COXFA4: variants seen among roughly 807,000 people sequenced by gnomAD.
COXFA4 encodes the protein cytochrome c oxidase associated subunit FA4.
chr7:10,939,693 G>A, the COXFA4 span: 18 of 419,706 alleles, frequency 4.3e-5, no homozygotes, highest in South Asian at 3.9e-4. Context: ...CCCACACAGC[G>A]CACATCTATC....
At chr7:10,939,031 A>G in the COXFA4 span, 6 of 673,380 alleles carry the variant, frequency 8.9e-6, no homozygotes, top group Middle Eastern at 2.5e-4. Context: ...AAATTTAAAT[A>G]AAGTAGATCT....
chr7:10,934,354 A>G, the COXFA4 span, among the ~76,000 whole-genome samples: 1 of 150,604 alleles, frequency 6.6e-6, no homozygotes, highest in East Asian at 1.9e-4. Flanking sequence ...ATTTTTAGAA[A>G]TAAATCTTAC....
the COXFA4 span, chr7:10,938,739 C>G: frequency 9.1e-7 from 1 of 1,094,934 alleles, no homozygotes; most frequent in Non-Finnish European, 1.4e-6. Context: ...TGTTATCGCC[C>G]TACAGAGACT....
chr7:10,933,633 C>A, the COXFA4 span: 1 of 1,607,738 alleles, frequency 6.2e-7, no homozygotes, highest in South Asian at 1.1e-5. Flanking sequence ...TGAAACATTT[C>A]ATTTAGAAAT....
At chr7:10,932,539 A>G in the COXFA4 span, 1 of 152,258 alleles carries the variant, frequency 6.6e-6, no homozygotes, top group African/African-American at 2.4e-5. Flanking sequence ...ATTTAATTGT[A>G]TACTTACGTA....
At chr7:10,940,011 C>T in the COXFA4 span, 1 of 1,613,884 alleles carries the variant, frequency 6.2e-7, no homozygotes, top group Non-Finnish European at 8.5e-7. Context: ...CGGTCACGAA[C>T]TTACGCTCGG....
the COXFA4 span, chr7:10,938,952 C>T: frequency 3.1e-6 from 4 of 1,299,164 alleles, no homozygotes; most frequent in South Asian, 1.2e-5. Flanking sequence ...CACTGGCCAA[C>T]GAGAGATTAC....
chr7:10,940,102 G>A, the COXFA4 span: 6 of 1,593,550 alleles, frequency 3.8e-6, no homozygotes, highest in East Asian at 4.5e-5. Context: ...AACCGACCTA[G>A]CCACCAGGCC....
chr7:10,935,818 T>C, the COXFA4 span, among the ~76,000 whole-genome samples: 6 of 152,196 alleles, frequency 3.9e-5, no homozygotes, highest in Admixed American at 3.9e-4. Flanking sequence ...CATTCAAATC[T>C]TAGCGGCTTA....
the COXFA4 span, chr7:10,938,191 T>G: frequency 1.3e-6 from 2 of 1,537,372 alleles, no homozygotes; most frequent in Non-Finnish European, 1.8e-6. Flanking sequence ...AATAAAGCAC[T>G]ATTTAGTGTT....
the COXFA4 span, chr7:10,932,063 A>G: frequency 1.3e-5 from 2 of 152,232 alleles, no homozygotes; most frequent in Non-Finnish European, 2.9e-5. Flanking sequence ...ATCTAGAGTA[A>G]TTCTCAACAG....
chr7:10,940,136 G>C, the COXFA4 span: 3 of 1,409,116 alleles, frequency 2.1e-6, no homozygotes, highest in South Asian at 2.3e-5. Context: ...TATCTGCAAT[G>C]AGACACTACG....
the COXFA4 span, among the ~76,000 whole-genome samples, chr7:10,935,623 G>T: frequency 2.6e-4 from 39 of 152,156 alleles, no homozygotes; most frequent in Non-Finnish European, 3.7e-4. Context: ...ACTCTAACTA[G>T]TGCCTTTACA....
At chr7:10,938,273 A>T in the COXFA4 span, 1 of 839,940 alleles carries the variant, frequency 1.2e-6, no homozygotes, top group African/African-American at 1.7e-5. Flanking sequence ...TTATTTCATT[A>T]TGAAGTTGAA....
At chr7:10,933,653 C>G in the COXFA4 span, 1 of 1,610,878 alleles carries the variant, frequency 6.2e-7, no homozygotes, top group Non-Finnish European at 8.5e-7. Context: ...TCTGGACGTT[C>G]CTTCTTCAGC....
chr7:10,937,021 G>A, the COXFA4 span, among the ~76,000 whole-genome samples: 1 of 152,032 alleles, frequency 6.6e-6, no homozygotes, highest in African/African-American at 2.4e-5. Flanking sequence ...GGGCGACAGA[G>A]TGAGACTCTG....
At chr7:10,938,294 G>A in the COXFA4 span, 1 of 693,090 alleles carries the variant, frequency 1.4e-6, no homozygotes, top group African/African-American at 1.8e-5. Context: ...ACAGGTAGAG[G>A]ATCTATAATA....
chr7:10,940,146 G>C, the COXFA4 span: 6 of 1,353,984 alleles, frequency 4.4e-6, no homozygotes, highest in South Asian at 1.2e-5. Flanking sequence ...GAGACACTAC[G>C]GACTTCCAAA....
At chr7:10,939,446 A>C in the COXFA4 span, 1 of 175,062 alleles carries the variant, frequency 5.7e-6, no homozygotes, top group Non-Finnish European at 1.2e-5. Context: ...AAGATTGCAT[A>C]GACTTTTAGC....
Sources: allele counts gnomAD v4.1 joint callset (sites outside exome capture counted in the v4.1 genomes callset), GRCh38; gene constraint gnomAD v4.1.1; transcripts MANE v1.5; gene names NCBI Gene and HGNC (gene_info 2026-07-23, HGNC 2026-07-21).